WASHC2C: variants seen among roughly 807,000 people sequenced by gnomAD.
WASHC2C encodes the protein Vaccinia Penetration Factor.
Under a neutral mutation model 142.2 loss-of-function variants are expected in WASHC2C, and 73 were observed. That is an observed-to-expected ratio of 0.51 (90% CI 0.43 to 0.62). WASHC2C has a LOEUF of 0.62. Among genes scored for constraint, WASHC2C ranks in the 20% least tolerant of loss-of-function variants. The pLI is 0.00. For missense variants in WASHC2C, 969 were observed against 1,531.7 expected, an observed-to-expected ratio of 0.63 and a Z score of 6.13; for synonymous variants, 337 against 565.5, an observed-to-expected ratio of 0.60 and a Z score of 5.73.
intron 20 of WASHC2C, among the ~76,000 whole-genome samples, chr10:45,772,705 GA>G (rs781398714): frequency 3.2e-4 from 48 of 152,266 alleles, no homozygotes; most frequent in Middle Eastern, 3.4e-3. Context: ...AGTAGAGTGA[GA>G]CCCTGTCTTA....
chr10:45,752,225 A>G (rs1229313611), intron 11 of WASHC2C, among the ~76,000 whole-genome samples: 2 of 152,382 alleles, frequency 1.3e-5, no homozygotes, highest in South Asian at 2.1e-4. Flanking sequence ...CAGTTTGCAG[A>G]TCCCTTTGTT....
intron 30 of WASHC2C, 104 bp from the exon 31 acceptor site, chr10:45,792,157 A>T: frequency 7.9e-7 from 1 of 1,270,556 alleles, no homozygotes; most frequent in Non-Finnish European, 1.1e-6. Flanking sequence ...AGGGTACTCC[A>T]TGCTGTTACG....
intron 15 of WASHC2C, among the ~76,000 whole-genome samples, chr10:45,755,573 G>A (rs1297420236): frequency 6.6e-6 from 1 of 152,292 alleles, no homozygotes; most frequent in Non-Finnish European, 1.5e-5. Flanking sequence ...GGCCACTTTG[G>A]CATTCTCCTC....
At chr10:45,743,188 T>A (rs1554869163) in intron 5 of WASHC2C, among the ~76,000 whole-genome samples, 1 of 152,082 alleles carries the variant, frequency 6.6e-6, no homozygotes, top group Non-Finnish European at 1.5e-5. Context: ...TACCTTGACA[T>A]CTTTACCTAG....
chr10:45,790,572 A>T, intron 30 of WASHC2C, 39 bp downstream of exon 30: 1 of 1,611,990 alleles, frequency 6.2e-7, no homozygotes, highest in Admixed American at 1.7e-5. Context: ...GAGAATTCTT[A>T]CCTTTCCATC....
intron 23 of WASHC2C, 144 bp downstream of exon 23, chr10:45,779,279 T>C: frequency 1.6e-6 from 1 of 627,142 alleles, no homozygotes. Flanking sequence ...CATTTAGATA[T>C]TTGGGAATCT....
At chr10:45,789,641 G>A in intron 29 of WASHC2C, 150 bp downstream of exon 29, 2 of 1,456,234 alleles carry the variant, frequency 1.4e-6, no homozygotes, top group East Asian at 4.6e-5. Flanking sequence ...TTATTAATAA[G>A]TCTAACATTG....
At chr10:45,747,153 T>A (rs1554871473) in intron 8 of WASHC2C, among the ~76,000 whole-genome samples, 10 of 152,240 alleles carry the variant, frequency 6.6e-5, no homozygotes, top group Admixed American at 6.5e-5. Flanking sequence ...TATTATTATT[T>A]TTTTGAGATG....
At position 45,790,266 on chromosome 10, in the gene WASHC2C, C is replaced by T. The variant is rs2058322768; in HGVS notation, c.3709-90C>T. The stretch of plus-strand genomic sequence containing the variant: ...TCGAGGCCGTTCCACACACCCTGGC[C>T]AATTGCATTTCCATAGCTTGTTGAC... On this transcript the variant is annotated intron_variant, in intron 29 of 30. Coordinates refer to ENST00000623400, the MANE Select transcript of WASHC2C (RefSeq NM_001330074.2). 128 of 1,598,062 alleles carry T rather than the reference C, an allele frequency of 8.0e-5. No individual in the cohort carries two copies. The South Asian group carries it at 1.4e-3, about 18-fold the overall frequency.
intron 8 of WASHC2C, 93 bp downstream of exon 8, chr10:45,746,740 G>A: frequency 6.5e-7 from 1 of 1,543,866 alleles, no homozygotes; most frequent in Non-Finnish European, 8.9e-7. Context: ...TTATGACCAA[G>A]TGAGGATTTT....
Position 45,790,374 on chromosome 10 carries a change from G to A in WASHC2C, c.3727G>A (p.Glu1243Lys). ...TAACAAGGATGATATATTTGCTACG[G>A]AAGCAATTAAACCCTCTCAGAAAAC... The part of the protein sequence containing the change: ...DIFEDDIFAT[E>K]AIKPSQKTRE... The change falls in exon 30 of 31, where the codon GAA becomes AAA. Residue 1243 changes from glutamate to lysine, a missense_variant. Physicochemically the swap from Glu to Lys is moderately conservative, Grantham distance 56 (BLOSUM62 1). Transcript: ENST00000623400. The A allele has an allele frequency of 1.2e-6, 2 of 1,608,638 alleles. No individual in the cohort carries two copies. Among genetic ancestry groups the A allele is most frequent in the Non-Finnish European group, 1.7e-6 (2 of 1,179,164 alleles).
chr10:45,752,789 G>A, intron 12 of WASHC2C, 83 bp downstream of exon 12: 1 of 940,162 alleles, frequency 1.1e-6, no homozygotes, highest in South Asian at 1.6e-5. Context: ...TGCTTGTTTA[G>A]TGGGGGAAAA....
At chr10:45,758,606 C>CTTTTT (rs60416109) in intron 16 of WASHC2C, among the ~76,000 whole-genome samples, 117 of 128,132 alleles carry the variant, frequency 9.1e-4, no homozygotes, top group African/African-American at 3.0e-3. Flanking sequence ...CATTCTTCTT[C>CTTTTT]TTTTTTTTTT....
intron 23 of WASHC2C, among the ~76,000 whole-genome samples, chr10:45,784,270 A>ATATATGTG (rs1554888941): frequency 1.7e-4 from 1 of 5,756 alleles, no homozygotes; most frequent in Non-Finnish European, 5.5e-4. Flanking sequence ...ATATATATAT[A>ATATATGTG]TATATATATA....
At chr10:45,759,676 G>A (rs532809110) in intron 17 of WASHC2C, among the ~76,000 whole-genome samples, 160 of 152,178 alleles carry the variant, frequency 1.1e-3, no homozygotes, top group African/African-American at 3.3e-3. Flanking sequence ...AAAATTAGCC[G>A]GGTATGGTGG....
intron 11 of WASHC2C, among the ~76,000 whole-genome samples, chr10:45,752,105 TC>T (rs1217644343): frequency 2.0e-5 from 3 of 152,226 alleles, no homozygotes; most frequent in Non-Finnish European, 2.9e-5. Flanking sequence ...TTCCTAGAAT[TC>T]TTAGAAGTAT....
intron 17 of WASHC2C, 136 bp downstream of exon 17, chr10:45,759,537 A>G: frequency 6.8e-7 from 1 of 1,475,238 alleles, no homozygotes. Context: ...TTATCTCTAG[A>G]GGCAAGGAGT....
At chr10:45,747,488 T>C (rs1259664877) in intron 8 of WASHC2C, among the ~76,000 whole-genome samples, 2 of 152,254 alleles carry the variant, frequency 1.3e-5, no homozygotes, top group African/African-American at 2.4e-5. Context: ...TAAACTTCTA[T>C]ACTTTTAAAC....
intron 5 of WASHC2C, among the ~76,000 whole-genome samples, chr10:45,743,078 C>T (rs1410232065): frequency 2.6e-5 from 4 of 151,602 alleles, no homozygotes; most frequent in Admixed American, 6.6e-5. Context: ...GGTTTCACCA[C>T]GTTGGTCAGG....
Sources: gnomAD v4.1 joint callset for allele counts (sites outside exome capture counted in the v4.1 genomes callset) on GRCh38, gnomAD v4.1.1 for gene constraint, MANE v1.5 for transcripts, NCBI Gene and HGNC (gene_info 2026-07-23, HGNC 2026-07-21) for gene names.